LRRTM3: variants seen among roughly 807,000 people sequenced by gnomAD.
LRRTM3 encodes leucine-rich repeat transmembrane neuronal protein 3.
A neutral mutation model predicts 44.7 loss-of-function variants in LRRTM3; 24 were observed. The observed-to-expected ratio is 0.54, with a 90% CI of 0.39 to 0.76. The LOEUF is 0.76. LRRTM3 is among the 30% of genes least tolerant of loss of function. The pLI, the probability that LRRTM3 is intolerant of heterozygous loss-of-function variation, is 0.00. For synonymous variants in LRRTM3, 277 were observed against 278.7 expected (o/e 0.99, Z 0.06); for missense variants, 587 against 702.2 (o/e 0.84, Z 1.85).
intron 2 of LRRTM3, among the ~76,000 whole-genome samples, chr10:66,966,089 A>G (rs984150224): frequency 6.6e-6 from 1 of 151,968 alleles, no homozygotes; most frequent in South Asian, 2.1e-4. Context: ...TCAGTTTCCT[A>G]ATTTGTAAAA....
chr10:67,087,384 T>G (rs528147695), intron 2 of LRRTM3, among the ~76,000 whole-genome samples: 69 of 152,038 alleles, frequency 4.5e-4, no homozygotes, highest in African/African-American at 1.6e-3. Context: ...AGTTATTAGA[T>G]GATAAAGTGT....
At chr10:67,027,047 A>G (rs1012820927) in intron 2 of LRRTM3, among the ~76,000 whole-genome samples, 1 of 152,226 alleles carries the variant, frequency 6.6e-6, no homozygotes, top group Non-Finnish European at 1.5e-5. Flanking sequence ...CAAAGGACTC[A>G]GCCAAATCTG....
chr10:66,947,842 A>G (rs571471550), intron 2 of LRRTM3, among the ~76,000 whole-genome samples: 2 of 152,318 alleles, frequency 1.3e-5, no homozygotes, highest in South Asian at 4.1e-4. Flanking sequence ...GCGCTTAGCG[A>G]CAGGAATAGG....
chr10:67,014,443 C>A (rs1208497120), intron 2 of LRRTM3, among the ~76,000 whole-genome samples: 1 of 151,970 alleles, frequency 6.6e-6, no homozygotes, highest in African/African-American at 2.4e-5. Flanking sequence ...TCTGGGAATC[C>A]CAGGTGGTGC....
intron 2 of LRRTM3, chr10:67,015,154 C>G (rs764436279): frequency 2.0e-5 from 3 of 152,226 alleles, no homozygotes; most frequent in Non-Finnish European, 4.4e-5. Context: ...TAACTGATAC[C>G]TCTTCCAATA....
chr10:66,992,192 C>G (rs1851079584), intron 2 of LRRTM3, among the ~76,000 whole-genome samples: 1 of 152,148 alleles, frequency 6.6e-6, no homozygotes, highest in Admixed American at 6.5e-5. Context: ...TATTGTCATG[C>G]TTTAATTTTT....
chr10:67,077,130 C>T (rs1564875037), intron 2 of LRRTM3, among the ~76,000 whole-genome samples: 1 of 152,148 alleles, frequency 6.6e-6, no homozygotes, highest in Non-Finnish European at 1.5e-5. Context: ...GCTAAATTTC[C>T]TCCATCTCTG....
At chr10:66,974,844 A>G (rs1160116078) in intron 2 of LRRTM3, among the ~76,000 whole-genome samples, 7 of 149,648 alleles carry the variant, frequency 4.7e-5, no homozygotes, top group Non-Finnish European at 8.9e-5. Flanking sequence ...ACTTTCATCT[A>G]TATTTAGTTG....
intron 2 of LRRTM3, among the ~76,000 whole-genome samples, chr10:66,980,968 G>T (rs1485770570): frequency 6.6e-6 from 1 of 152,098 alleles, no homozygotes; most frequent in Non-Finnish European, 1.5e-5. Context: ...GTGCGATGGT[G>T]TGATTTCGGC....
rs11368044 is a variant in LRRTM3, at chr10:66,977,434, C to CAA, written c.1536+48995_1536+48996dup. ...CTGGCGATAGAGTGAAACTCTGTCTCAAAAAAAAAAAAAATGTATAAAGAT... is the reference window on the plus strand; with the variant it reads ...CTGGCGATAGAGTGAAACTCTGTCTCAAAAAAAAAAAAAAAATGTATAAAGAT... On this transcript the variant is annotated intron_variant, in intron 2 of 2. Coordinates refer to ENST00000361320, the MANE Select transcript of LRRTM3 (RefSeq NM_178011.5). 8.0e-4 allele frequency among the ~76,000 whole-genome samples: 116 copies of CAA among 145,128 alleles called. No homozygotes were observed. In the East Asian group the frequency reaches 8.3e-3, roughly 10 times the overall value.
chr10:67,073,226 T>A (rs1040678901), intron 2 of LRRTM3, among the ~76,000 whole-genome samples: 2 of 152,338 alleles, frequency 1.3e-5, no homozygotes, highest in Middle Eastern at 3.4e-3. Flanking sequence ...TCCTATGACC[T>A]ACTTGAAAAT....
At chr10:66,971,883 C>G (rs146546281) in intron 2 of LRRTM3, among the ~76,000 whole-genome samples, 17 of 151,964 alleles carry the variant, frequency 1.1e-4, no homozygotes, top group African/African-American at 4.1e-4. Context: ...TTTTTTTCAA[C>G]AAGGTCAGAG....
intron 2 of LRRTM3, among the ~76,000 whole-genome samples, chr10:67,058,539 T>C (rs1449658953): frequency 1.3e-5 from 2 of 152,142 alleles, no homozygotes; most frequent in Non-Finnish European, 2.9e-5. Flanking sequence ...CAGAACTGAG[T>C]GACTGGCCCA....
In LRRTM3 at chr10:66,928,065, G is replaced by C. The variant is rs1263993846; in HGVS notation, c.1149G>C (p.Lys383Asn). The C allele has an allele frequency of 6.2e-7, 1 of 1,614,052 alleles. No homozygotes were observed. Among genetic ancestry groups the C allele is most frequent in the Non-Finnish European group, 8.5e-7 (1 of 1,180,036 alleles). Residue 383 changes from lysine (K) to asparagine (N), a missense_variant, in exon 2 of 3, where the codon AAG (lysine) becomes AAC (asparagine). By Grantham distance (94) the Lys-to-Asn change is moderately conservative. Coordinates refer to ENST00000361320, the MANE Select transcript of LRRTM3 (RefSeq NM_178011.5). ...TCCCAAAGCCGACGTTTAAGCCCAA[G>C]CTCCCCAGGCCGAAGCATGAGAGCA... Reference protein sequence around the residue: ...RALPKPTFKPKLPRPKHESKP... With the variant: ...RALPKPTFKPNLPRPKHESKP...
chr10:66,950,577 T>C (rs1191381901), intron 2 of LRRTM3, among the ~76,000 whole-genome samples: 4 of 152,022 alleles, frequency 2.6e-5, no homozygotes, highest in African/African-American at 4.8e-5. Context: ...AAACATTGCA[T>C]TTAATATATT....
chr10:66,989,235 G>C (rs1445370891), intron 2 of LRRTM3, among the ~76,000 whole-genome samples: 1 of 151,924 alleles, frequency 6.6e-6, no homozygotes, highest in African/African-American at 2.4e-5. Flanking sequence ...GGCCCTCCTA[G>C]GGGTCAATAT....
At chr10:66,968,626 C>T (rs896779150) in intron 2 of LRRTM3, among the ~76,000 whole-genome samples, 1 of 152,000 alleles carries the variant, frequency 6.6e-6, no homozygotes, top group Non-Finnish European at 1.5e-5. Flanking sequence ...ACACTCAATA[C>T]ATATTCATTA....
Position 66,928,463 on chromosome 10 carries a change from T to C in LRRTM3, c.1536+11T>C. The C allele has an allele frequency of 1.3e-6, 2 of 1,578,954 alleles. No individual in the cohort carries two copies. Among genetic ancestry groups the C allele is most frequent in the Admixed American group, 1.9e-5 (1 of 52,526 alleles). ...TCCAGGGAGTGTGAGGTATGAACCA[T>C]TGTGATAAAAAGAGCTCTTAAAAGC... On this transcript the variant is annotated intron_variant, in intron 2 of 2. Transcript: ENST00000361320.
intron 2 of LRRTM3, among the ~76,000 whole-genome samples, chr10:67,050,585 G>C (rs1855025190): frequency 6.6e-6 from 1 of 152,146 alleles, no homozygotes; most frequent in African/African-American, 2.4e-5. Flanking sequence ...GCTCGAGTGG[G>C]AGACATTGTT....
Sources: allele counts gnomAD v4.1 joint callset (sites outside exome capture counted in the v4.1 genomes callset), GRCh38; gene constraint gnomAD v4.1.1; transcripts MANE v1.5; gene names NCBI Gene and HGNC (gene_info 2026-07-23, HGNC 2026-07-21).